MGAT5: variants seen among roughly 807,000 people sequenced by gnomAD.
The protein encoded by MGAT5 is alpha-1,6-mannosylglycoprotein 6-beta-N-acetylglucosaminyltransferase A.
A neutral mutation model predicts 94.3 loss-of-function variants in MGAT5; 30 were observed. The observed-to-expected ratio is 0.32, with a 90% CI of 0.24 to 0.43. The LOEUF is 0.43. Ranked by LOEUF, MGAT5 falls within the 20% of genes least tolerant of loss-of-function variation. The probability of loss-of-function intolerance (pLI) is 1.00; values close to 1 mark genes in which losing one functional copy is unlikely to be tolerated. For synonymous variants in MGAT5, 310 were observed against 322.9 expected (o/e 0.96, Z 0.43); for missense variants, 691 against 905.5 (o/e 0.76, Z 3.04).
intron 1 of MGAT5, among the ~76,000 whole-genome samples, chr2:134,257,600 A>C (rs1212458088): frequency 6.6e-6 from 1 of 152,214 alleles, no homozygotes; most frequent in Admixed American, 6.5e-5. Context: ...TGGATTGAAC[A>C]AGAGGATTGT....
At chr2:134,289,941 T>G (rs1366783579) in intron 2 of MGAT5, among the ~76,000 whole-genome samples, 1 of 152,228 alleles carries the variant, frequency 6.6e-6, no homozygotes, top group African/African-American at 2.4e-5. Context: ...ATCTTTTTGC[T>G]ATAATAAATC....
rs145404515 is a variant in MGAT5 at position 134,284,820 on chromosome 2, G to T, written c.406+14270G>T. On this transcript the variant is annotated intron_variant, in intron 2 of 15. Transcript: ENST00000281923. The stretch of plus-strand genomic sequence containing the variant: ...GTGCCCATTTAATCTGCCACTGCTG[G>T]GACAATCGCATTTTATTGTGCATCA... Among the ~76,000 whole-genome samples the T allele has an allele frequency of 4.2e-3, 637 of 152,180 alleles. 4 individuals carry two copies. The highest frequency in any genetic ancestry group is 0.015 in the African/African-American group (618 of 41,500).
intron 10 of MGAT5, among the ~76,000 whole-genome samples, chr2:134,374,553 A>G (rs1476767401): frequency 2.0e-5 from 3 of 152,216 alleles, no homozygotes; most frequent in Non-Finnish European, 2.9e-5. Context: ...CTTAGAAATT[A>G]TTTTTAATAT....
intron 14 of MGAT5, among the ~76,000 whole-genome samples, chr2:134,436,151 A>C (rs1048617804): frequency 3.9e-5 from 6 of 152,190 alleles, no homozygotes; most frequent in African/African-American, 1.4e-4. Context: ...TTAGATAAGG[A>C]GGGAAGGACA....
intron 1 of MGAT5, among the ~76,000 whole-genome samples, chr2:134,189,212 G>T (rs1689196809): frequency 6.6e-6 from 1 of 152,158 alleles, no homozygotes; most frequent in Admixed American, 6.5e-5. Context: ...TCTCTGGATT[G>T]GGCTGGCTTA....
rs554337381 is a variant in MGAT5 at position 134,349,140 on chromosome 2, C to A, written c.1113-665C>A. ...GAATGTAAATATTATTCTAAGCTCA[C>A]AGACCGTACAAAAATAGGCGGTAGA... On this transcript the variant is annotated intron_variant, in intron 8 of 15. Coordinates refer to ENST00000281923, the MANE Select transcript of MGAT5 (RefSeq NM_002410.5). Among the ~76,000 whole-genome samples, 314 of 152,302 alleles carry A rather than the reference C, an allele frequency of 2.1e-3. 5 individuals carry two copies. Among genetic ancestry groups the A allele is most frequent in the South Asian group, 8.7e-3 (42 of 4,820 alleles).
chr2:134,368,079 A>G (rs1573933749), intron 10 of MGAT5, among the ~76,000 whole-genome samples: 1 of 152,072 alleles, frequency 6.6e-6, no homozygotes, highest in African/African-American at 2.4e-5. Context: ...TCAGGCTCTG[A>G]CCTCTCCTCT....
chr2:134,440,147 C>T (rs1342231323), intron 14 of MGAT5, among the ~76,000 whole-genome samples: 2 of 152,124 alleles, frequency 1.3e-5, no homozygotes, highest in Non-Finnish European at 2.9e-5. Flanking sequence ...CCTCTAGATC[C>T]CAGGGTCAAC....
intron 14 of MGAT5, among the ~76,000 whole-genome samples, chr2:134,439,277 G>A (rs1303533131): frequency 6.6e-6 from 1 of 152,184 alleles, no homozygotes; most frequent in Non-Finnish European, 1.5e-5. Context: ...CAGACTGTTA[G>A]GTATTTTGCC....
At chr2:134,278,170 T>A (rs1333232026) in intron 2 of MGAT5, among the ~76,000 whole-genome samples, 1 of 152,228 alleles carries the variant, frequency 6.6e-6, no homozygotes, top group Non-Finnish European at 1.5e-5. Context: ...TAGTTTTCAC[T>A]TTGTGTTGTC....
At chr2:134,324,178 C>A (rs1010505183) in intron 4 of MGAT5, among the ~76,000 whole-genome samples, 7 of 152,080 alleles carry the variant, frequency 4.6e-5, no homozygotes, top group African/African-American at 1.7e-4. Flanking sequence ...TTTGTTTATG[C>A]TTTTCTTGTA....
At chr2:134,280,794 A>ACACACTC (rs1684643829) in intron 2 of MGAT5, among the ~76,000 whole-genome samples, 1 of 152,256 alleles carries the variant, frequency 6.6e-6, no homozygotes, top group African/African-American at 2.4e-5. Flanking sequence ...AACACATGGA[A>ACACACTC]CACACTCAAG....
rs1440041640 is a variant in MGAT5, at chr2:134,325,012, A to ATTT, written c.573+6273_573+6274insTTT. 2.1e-3 allele frequency among the ~76,000 whole-genome samples: 294 copies of ATTT among 139,608 alleles called. 1 individual carries two copies. Among genetic ancestry groups the ATTT allele is most frequent in the East Asian group, 0.017 (88 of 5,036 alleles). 91.6% of individuals were successfully genotyped at this position (139,608 alleles called of 152,430 possible). A position where few individuals can be genotyped will look rare whatever the true frequency, so the allele number is the denominator to read the frequency against. Reference sequence around the variant, plus strand: ...AAGACATCCTTAGTAAAAGAATTTAAAAAAAAAAAAATCCTGAGTTTACAG... The same window carrying ATTT: ...AAGACATCCTTAGTAAAAGAATTTAATTTAAAAAAAAAAATCCTGAGTTTACAG... On this transcript the variant is annotated intron_variant, in intron 4 of 15. Transcript: ENST00000281923.
chr2:134,197,544 G>A (rs554671766), intron 1 of MGAT5, among the ~76,000 whole-genome samples: 19 of 152,346 alleles, frequency 1.2e-4, no homozygotes, highest in African/African-American at 4.1e-4. Flanking sequence ...AGTCAAAGAC[G>A]ATGATGTCGG....
intron 1 of MGAT5, among the ~76,000 whole-genome samples, chr2:134,187,733 AT>A: frequency 6.6e-6 from 1 of 152,360 alleles, no homozygotes; most frequent in South Asian, 2.1e-4. Flanking sequence ...TATTGATCGG[AT>A]AAGTGAATGA....
At chr2:134,187,050 G>A (rs766787598) in intron 1 of MGAT5, among the ~76,000 whole-genome samples, 1 of 152,170 alleles carries the variant, frequency 6.6e-6, no homozygotes, top group Non-Finnish European at 1.5e-5. Context: ...ACCTGCAGGG[G>A]CCTTGAGGCA....
At chr2:134,189,602 G>GTTGTT (rs1689232395) in intron 1 of MGAT5, among the ~76,000 whole-genome samples, 9 of 84,662 alleles carry the variant, frequency 1.1e-4, no homozygotes, top group African/African-American at 4.3e-4. Context: ...GTTTTTTTTT[G>GTTGTT]TTTTTTTTTT....
rs762224081 is a variant in MGAT5, at chr2:134,362,427, GTC to G, written c.1380+29_1380+30del. 3.7e-6 allele frequency: 6 copies of G among 1,606,338 alleles called. No homozygotes were observed. The South Asian group carries it at 4.5e-5, about 12-fold the overall frequency. On this transcript the variant is annotated intron_variant, in intron 10 of 15. Transcript: ENST00000281923. ...CTGGAAGGTGAGTCAGTCTGTGCGT[GTC>G]TCTCTCTCTGAAAAGAAGCTTGTTG...
chr2:134,428,348 A>G lies in MGAT5; in HGVS notation c.1795-17A>G, dbSNP rs759649380. 4 of 1,611,766 alleles carry G rather than the reference A, an allele frequency of 2.5e-6. No individual in the cohort carries two copies. Among genetic ancestry groups the G allele is most frequent in the South Asian group, 1.1e-5 (1 of 91,038 alleles). On this transcript the variant is annotated splice_polypyrimidine_tract_variant and intron_variant, in intron 13 of 15. Coordinates refer to ENST00000281923, the MANE Select transcript of MGAT5 (RefSeq NM_002410.5). ...CTCTGTCCTTCTCCTTCATGGTATC[A>G]TGCTCTGTTTCCACAGATTGAGCCA... is the stretch of plus-strand genomic sequence containing the variant.
Sources: gnomAD v4.1 joint callset for allele counts (sites outside exome capture counted in the v4.1 genomes callset) on GRCh38, gnomAD v4.1.1 for gene constraint, MANE v1.5 for transcripts, NCBI Gene and HGNC (gene_info 2026-07-23, HGNC 2026-07-21) for gene names.